Variants in KIRREL3 observed in about 807,000 individuals in gnomAD.
KIRREL3 encodes kirre like nephrin family adhesion molecule 3, also known as kin of IRRE-like protein 3.
A neutral mutation model predicts 89.7 loss-of-function variants in KIRREL3; 36 were observed. That is an observed-to-expected ratio of 0.40 (90% confidence interval 0.31 to 0.53). KIRREL3 has a LOEUF of 0.53. KIRREL3 is among the 20% of genes least tolerant of loss of function. KIRREL3 has a pLI of 0.49. For missense variants in KIRREL3, 864 were observed against 1,056.6 expected, an observed-to-expected ratio of 0.82 and a Z score of 2.53; for synonymous variants, 445 against 441.4, an observed-to-expected ratio of 1.01 and a Z score of -0.10.
intron 1 of KIRREL3, among the ~76,000 whole-genome samples, chr11:126,984,352 C>G (rs1483202077): frequency 3.9e-5 from 6 of 152,206 alleles, no homozygotes; most frequent in African/African-American, 9.7e-5. Context: ...AGCCTCTGCT[C>G]TAGGGCTTGT....
Position 126,640,814 on chromosome 11 carries a change from C to T in KIRREL3, c.56-77902G>A, listed in dbSNP as rs1001104689. Among the ~76,000 whole-genome samples the T allele has an allele frequency of 5.3e-5, 8 of 152,170 alleles. No individual in the cohort carries two copies. The highest frequency in any genetic ancestry group is 1.7e-4 in the African/African-American group (7 of 41,440). On this transcript the variant is annotated intron_variant, in intron 1 of 16. Transcript: ENST00000525144. This position sits in a 1 kb window ranked among gnomAD's most constrained non-coding sequence, Gnocchi z 4.9. ...CTCCATTCTAGTCATTTCCCTCCTACGTCACTGACTTATTGCTGGCATCTC... is the reference window on the plus strand; with the variant it reads ...CTCCATTCTAGTCATTTCCCTCCTATGTCACTGACTTATTGCTGGCATCTC...
rs552020902 is a variant in KIRREL3 at position 126,657,993 on chromosome 11, G to A, written c.56-95081C>T. Among the ~76,000 whole-genome samples the A allele has an allele frequency of 2.6e-5, 4 of 152,320 alleles. No individual in the cohort carries two copies. The South Asian group carries it at 8.3e-4, about 32-fold the overall frequency. On this transcript the variant is annotated intron_variant, in intron 1 of 16. Coordinates refer to ENST00000525144, the MANE Select transcript of KIRREL3 (RefSeq NM_032531.4). ...TCCCATCAGTTTCACAGAGAAGATG[G>A]CATTGCCAAAGCCTGGGGCTGCTCA... is the stretch of plus-strand genomic sequence containing the variant.
chr11:126,867,610 C>G lies in KIRREL3; in HGVS notation c.55+132845G>C, dbSNP rs373469635. 6.6e-6 allele frequency among the ~76,000 whole-genome samples: 1 copy of G among 152,132 alleles called. No individual in the cohort carries two copies. Among genetic ancestry groups the G allele is most frequent in the Admixed American group, 6.5e-5 (1 of 15,274 alleles). Reference sequence around the variant, plus strand: ...AGTTAATAACATTAATACATTTCACCGAATGATTACCGAGTGCCATGCCCC... The same window carrying G: ...AGTTAATAACATTAATACATTTCACGGAATGATTACCGAGTGCCATGCCCC... On this transcript the variant is annotated intron_variant, in intron 1 of 16. Transcript: ENST00000525144. This position sits in a 1 kb window ranked among gnomAD's most constrained non-coding sequence, Gnocchi z 4.7.
rs1199924416 is a variant in KIRREL3 at position 126,614,420 on chromosome 11, G to C, written c.56-51508C>G. ...AGTGCAAAAGGAAAGGTTGAACTAAGATGGATGGGTTTTAATCTTAGCTGC... is the reference window on the plus strand; with the variant it reads ...AGTGCAAAAGGAAAGGTTGAACTAACATGGATGGGTTTTAATCTTAGCTGC... On this transcript the variant is annotated intron_variant, in intron 1 of 16. Coordinates refer to ENST00000525144, the MANE Select transcript of KIRREL3 (RefSeq NM_032531.4). This position sits in a 1 kb window ranked among gnomAD's most constrained non-coding sequence, Gnocchi z 4.6. Among the ~76,000 whole-genome samples, 1 of 152,196 alleles carries C rather than the reference G, an allele frequency of 6.6e-6. No homozygotes were observed. Among genetic ancestry groups the C allele is most frequent in the Non-Finnish European group, 1.5e-5 (1 of 68,032 alleles).
chr11:126,822,476 T>A lies in KIRREL3; in HGVS notation c.55+177979A>T, dbSNP rs1240236836. The stretch of plus-strand genomic sequence containing the variant: ...CCTTTTAGGCTTTGCCCAGTTCCTG[T>A]TTTAATAGGAATTTATGTTTCCTTA... On this transcript the variant is annotated intron_variant, in intron 1 of 16. Coordinates refer to ENST00000525144, the MANE Select transcript of KIRREL3 (RefSeq NM_032531.4). 7.3e-5 allele frequency among the ~76,000 whole-genome samples: 5 copies of A among 68,120 alleles called. No individual in the cohort carries two copies. The Admixed American group carries it at 8.6e-4, about 12-fold the overall frequency. The allele number at this position is 68,120 out of a possible 152,430, so 44.7% of individuals were successfully genotyped here.
intron 1 of KIRREL3, among the ~76,000 whole-genome samples, chr11:126,923,396 T>TTCTTCTTCTTCTTC (rs10654309): frequency 3.1e-5 from 3 of 97,210 alleles, no homozygotes; most frequent in Non-Finnish European, 3.9e-5. Flanking sequence ...CTTCCTCTTC[T>TTCTTCTTCTTCTTC]TTCTTCTTCT....
intron 7 of KIRREL3, among the ~76,000 whole-genome samples, chr11:126,450,927 G>T (rs1277575178): frequency 6.6e-6 from 1 of 151,580 alleles, no homozygotes; most frequent in Admixed American, 6.6e-5. Flanking sequence ...ACGTGCATGT[G>T]TGCATGTGTG....
At chr11:126,440,384 G>T in intron 11 of KIRREL3, 65 bp downstream of exon 11, 1 of 1,428,644 alleles carries the variant, frequency 7.0e-7, no homozygotes, top group Non-Finnish European at 9.6e-7. Flanking sequence ...GGCCACCCAG[G>T]TATTGGCAAA....
chr11:126,885,749 A>AG (rs1945670741), intron 1 of KIRREL3, among the ~76,000 whole-genome samples: 1 of 152,180 alleles, frequency 6.6e-6, no homozygotes, highest in African/African-American at 2.4e-5. Context: ...CTGGCTCCCG[A>AG]GCTACCTTAG....
rs1017918611 is a variant in KIRREL3, at chr11:126,844,238, A to G, written c.55+156217T>C. Among the ~76,000 whole-genome samples, 2 of 152,074 alleles carry G rather than the reference A, an allele frequency of 1.3e-5. No individual in the cohort carries two copies. The highest frequency in any genetic ancestry group is 4.8e-5 in the African/African-American group (2 of 41,408). ...CATCTTTCTGGTGACCACAGAAGAGACAATACTGAGAAAACCCCGACCCAA... is the reference window on the plus strand; with the variant it reads ...CATCTTTCTGGTGACCACAGAAGAGGCAATACTGAGAAAACCCCGACCCAA... On this transcript the variant is annotated intron_variant, in intron 1 of 16. Transcript: ENST00000525144. The surrounding 1 kb of genome is among the most constrained non-coding windows in gnomAD (Gnocchi z 4.8).
chr11:126,692,544 CAAA>C (rs71048799), intron 1 of KIRREL3, among the ~76,000 whole-genome samples: 26 of 42,672 alleles, frequency 6.1e-4, no homozygotes, highest in African/African-American at 2.7e-3. Flanking sequence ...GACTCTGTCT[CAAA>C]AAAAAAAAAA....
intron 1 of KIRREL3, among the ~76,000 whole-genome samples, chr11:126,937,711 A>G (rs1047668959): frequency 6.6e-6 from 1 of 152,136 alleles, no homozygotes; most frequent in Non-Finnish European, 1.5e-5. Context: ...CATCCTGGCT[A>G]ACACAGTGAA....
At position 126,640,549 on chromosome 11, in the gene KIRREL3, T is replaced by G. The variant is rs1944429172; in HGVS notation, c.56-77637A>C. Among the ~76,000 whole-genome samples the G allele has an allele frequency of 6.6e-6, 1 of 152,188 alleles. No homozygotes were observed. Among genetic ancestry groups the G allele is most frequent in the South Asian group, 2.1e-4 (1 of 4,826 alleles). ...GTCAGCTTTTTCCTTCTGGGCTGCT[T>G]GTACCTGAAATGTGTGGCGAAGAGG... On this transcript the variant is annotated intron_variant, in intron 1 of 16. Coordinates refer to ENST00000525144, the MANE Select transcript of KIRREL3 (RefSeq NM_032531.4). This position sits in a 1 kb window ranked among gnomAD's most constrained non-coding sequence, Gnocchi z 4.9.
At position 126,791,836 on chromosome 11, in the gene KIRREL3, G is replaced by GT. The variant is rs1333990080; in HGVS notation, c.55+208618dup. ...GGACAGTTGTGGGGCTGTAGGGGCG[G>GT]TTTCTCAGAGTGTGAGGTATGGGAA... On this transcript the variant is annotated intron_variant, in intron 1 of 16. Transcript: ENST00000525144. The surrounding 1 kb of genome is among the most constrained non-coding windows in gnomAD (Gnocchi z 4.8). 6.6e-6 allele frequency among the ~76,000 whole-genome samples: 1 copy of GT among 152,200 alleles called. No individual in the cohort carries two copies. Among genetic ancestry groups the GT allele is most frequent in the African/African-American group, 2.4e-5 (1 of 41,446 alleles).
Position 126,990,671 on chromosome 11 carries a change from C to T in KIRREL3, c.55+9784G>A, listed in dbSNP as rs1014515952. 1.3e-5 allele frequency among the ~76,000 whole-genome samples: 2 copies of T among 152,236 alleles called. No individual in the cohort carries two copies. The highest frequency in any genetic ancestry group is 4.8e-5 in the African/African-American group (2 of 41,476). ...CCTCTCTGCCTCCGCAGTTGCCCCT[C>T]ACTCAGGTGCAGCTTCCTATGTAAG... is the stretch of plus-strand genomic sequence containing the variant. On this transcript the variant is annotated intron_variant, in intron 1 of 16. Transcript: ENST00000525144. The surrounding 1 kb of genome is among the most constrained non-coding windows in gnomAD (Gnocchi z 6.3).
intron 1 of KIRREL3, among the ~76,000 whole-genome samples, chr11:126,718,938 AC>A (rs1402509208): frequency 6.6e-6 from 1 of 152,152 alleles, no homozygotes; most frequent in East Asian, 1.9e-4. Flanking sequence ...GTTGATAGAA[AC>A]CTTTGTCTCC....
At chr11:126,926,857 C>T (rs1238628775) in intron 1 of KIRREL3, among the ~76,000 whole-genome samples, 2 of 152,106 alleles carry the variant, frequency 1.3e-5, no homozygotes, top group Non-Finnish European at 2.9e-5. Flanking sequence ...ATTTTTCCCC[C>T]ATTTTAGTGG....
At chr11:126,451,817 CT>C (rs376691654) in intron 7 of KIRREL3, among the ~76,000 whole-genome samples, 2 of 151,814 alleles carry the variant, frequency 1.3e-5, no homozygotes, top group African/African-American at 4.8e-5. Flanking sequence ...TCCCAACATT[CT>C]TTTTTTTGAA....
rs1946657367 is a variant in KIRREL3 at position 126,908,062 on chromosome 11, T to C, written c.55+92393A>G. 6.6e-6 allele frequency among the ~76,000 whole-genome samples: 1 copy of C among 152,150 alleles called. No homozygotes were observed. Among genetic ancestry groups the C allele is most frequent in the East Asian group, 1.9e-4 (1 of 5,184 alleles). On this transcript the variant is annotated intron_variant, in intron 1 of 16. Transcript: ENST00000525144. This position sits in a 1 kb window ranked among gnomAD's most constrained non-coding sequence, Gnocchi z 4.2. Reference sequence around the variant, plus strand: ...TTCTTCCCTGCTTTCTTTTCCTCCATAGCCCTTATCAGTACCTAACATATA... The same window carrying C: ...TTCTTCCCTGCTTTCTTTTCCTCCACAGCCCTTATCAGTACCTAACATATA...
Sources: allele counts gnomAD v4.1 joint callset (sites outside exome capture counted in the v4.1 genomes callset), GRCh38; gene constraint gnomAD v4.1.1; non-coding constraint Gnocchi (gnomAD v3.1); transcripts MANE v1.5; gene names NCBI Gene and HGNC (gene_info 2026-07-23, HGNC 2026-07-21).